Variants in CDK5RAP3 observed in about 807,000 individuals in gnomAD.
The protein encoded by CDK5RAP3 is CDK5 regulatory subunit-associated protein 3.
A neutral mutation model predicts 73.3 loss-of-function variants in CDK5RAP3; 58 were observed. The observed-to-expected ratio is 0.79, with a 90% CI of 0.64 to 0.98. The LOEUF is 0.98. CDK5RAP3 is among the 50% of genes least tolerant of loss of function. The pLI is 0.00. For missense variants in CDK5RAP3, 525 were observed against 615.8 expected, an observed-to-expected ratio of 0.85 and a Z score of 1.56; for synonymous variants, 224 against 247.5, an observed-to-expected ratio of 0.91 and a Z score of 0.89.
In CDK5RAP3 at chr17:47,981,659, C is replaced by T. The variant is rs1404217747; in HGVS notation, c.*157C>T. 1.3e-6 allele frequency: 2 copies of T among 1,541,914 alleles called. No homozygotes were observed. The highest frequency in any genetic ancestry group is 1.4e-5 in the African/African-American group (1 of 73,318). Reference sequence around the variant, plus strand: ...GGCACCTGATGGTGATCTTGGCACTCTCCATGTTCTCTACAAGAAGCTGTG... The same window carrying T: ...GGCACCTGATGGTGATCTTGGCACTTTCCATGTTCTCTACAAGAAGCTGTG... On this transcript the variant is annotated 3_prime_UTR_variant, in exon 14 of 14. Coordinates refer to ENST00000338399, the MANE Select transcript of CDK5RAP3 (RefSeq NM_176096.3).
upstream of CDK5RAP3, chr17:47,970,770 A>G (rs1230235024): frequency 4.6e-6 from 7 of 1,507,498 alleles, no homozygotes; most frequent in Admixed American, 3.9e-5. Context: ...CCGCCAGCAG[A>G]CGTCTCAATC....
intron 11 of CDK5RAP3, 173 bp from the exon 12 acceptor site, chr17:47,980,420 C>T (rs915301755): frequency 4.5e-6 from 3 of 664,890 alleles, no homozygotes; most frequent in African/African-American, 3.6e-5. Flanking sequence ...AGGCATACAC[C>T]ACCATGTTTG....
chr17:47,970,825 G>A (rs1650270956), upstream of CDK5RAP3: 3 of 1,421,374 alleles, frequency 2.1e-6, no homozygotes, highest in South Asian at 3.8e-5. Flanking sequence ...CGGCTGCCAG[G>A]CTGGGCTCTC....
chr17:47,977,797 C>G lies in CDK5RAP3; in HGVS notation c.910-35C>G, dbSNP rs1374058407. The G allele has an allele frequency of 2.5e-6, 4 of 1,572,228 alleles. No individual in the cohort carries two copies. The East Asian group carries it at 6.7e-5, about 26-fold the overall frequency. ...TGGCTCCTTGGCTCAGGAAAATTCT[C>G]CCCCCATTGCTGTGGTTCTTTGCTC... On this transcript the variant is annotated intron_variant, in intron 9 of 13. Transcript: ENST00000338399.
rs1455701714 is a variant in CDK5RAP3 at position 47,971,160 on chromosome 17, G to C, written c.6+8G>C. The C allele has an allele frequency of 1.9e-6, 3 of 1,548,152 alleles. No individual in the cohort carries two copies. Among genetic ancestry groups the C allele is most frequent in the Non-Finnish European group, 2.6e-6 (3 of 1,145,094 alleles). On this transcript the variant is annotated splice_region_variant and intron_variant, in intron 1 of 13. Transcript: ENST00000338399. ...AGTGGAGGAAAGATGGAGGTGTGGG[G>C]ACAGGAGCTGGGTGTGCTGGGGACT...
chr17:47,976,563 C>G (rs1016252600), intron 8 of CDK5RAP3, 149 bp from the exon 9 acceptor site: 30 of 566,202 alleles, frequency 5.3e-5, no homozygotes, highest in African/African-American at 4.8e-4. Flanking sequence ...AGGATTTTGC[C>G]ATATTGCCCA....
rs1171167345 is a variant in CDK5RAP3 at position 47,976,787 on chromosome 17, A to G, written c.874A>G (p.Ile292Val). 2 of 1,611,670 alleles carry G rather than the reference A, an allele frequency of 1.2e-6. No homozygotes were observed. The highest frequency in any genetic ancestry group is 2.2e-5 in the East Asian group (1 of 44,798). Reference protein sequence around the residue: ...DSGISAEAAGIDWGIFPESDS... With the variant: ...DSGISAEAAGVDWGIFPESDS... ...TGGCATCTCTGCCGAGGCTGCTGGA[A>G]TCGACTGGGGCATCTTCCCGGAATC... Residue 292 changes from isoleucine to valine, a missense_variant, in exon 9 of 14, where the codon ATC becomes GTC. Transcript: ENST00000338399.
chr17:47,975,059 A>G (rs1478578984), intron 5 of CDK5RAP3, 100 bp from the exon 6 acceptor site: 1 of 1,610,100 alleles, frequency 6.2e-7, no homozygotes, highest in Admixed American at 1.7e-5. Flanking sequence ...TGGGAAGCTG[A>G]CTTCGTGCTC....
At chr17:47,978,614 C>CTCTGG (rs1408115911) in intron 10 of CDK5RAP3, 4 of 555,642 alleles carry the variant, frequency 7.2e-6, no homozygotes, top group Non-Finnish European at 9.6e-6. Flanking sequence ...CTGAACCCAG[C>CTCTGG]TCTGGTCCTC....
chr17:47,975,972 C>G lies in CDK5RAP3; in HGVS notation c.757C>G (p.Pro253Ala), dbSNP rs1443558304. 2 of 1,614,140 alleles carry G rather than the reference C, an allele frequency of 1.2e-6. No homozygotes were observed. Among genetic ancestry groups the G allele is most frequent in the East Asian group, 2.2e-5 (1 of 44,886 alleles). ...TGTEPSVVER[P>A]HLEELPEQVA... ...GACAGAGCCCTCTGTGGTGGAACGACCCCACCTCGAGGAGCTTCCTGAGCA... is the reference window on the plus strand; with the variant it reads ...GACAGAGCCCTCTGTGGTGGAACGAGCCCACCTCGAGGAGCTTCCTGAGCA... The change falls in exon 8 of 14, where the codon CCC becomes GCC. Residue 253 changes from proline (P) to alanine (A), a missense_variant. Coordinates refer to ENST00000338399, the MANE Select transcript of CDK5RAP3 (RefSeq NM_176096.3).
Position 47,975,204 on chromosome 17 carries a change from C to T in CDK5RAP3, c.380C>T (p.Pro127Leu). The T allele has an allele frequency of 6.2e-7, 1 of 1,614,146 alleles. No homozygotes were observed. The highest frequency in any genetic ancestry group is 1.1e-5 in the South Asian group (1 of 91,082). The change falls in exon 6 of 14, where the codon CCC becomes CTC. Residue 127 changes from proline (P) to leucine (L), a missense_variant. Transcript: ENST00000338399. ...LLVRNVNYEI[P>L]SLKKQIAKCQ... ...GTTCGGAATGTCAACTATGAGATCCCCTCACTGAAGAAGCAGATTGCCAAG... is the reference window on the plus strand; with the variant it reads ...GTTCGGAATGTCAACTATGAGATCCTCTCACTGAAGAAGCAGATTGCCAAG...
At chr17:47,975,010 C>A in intron 5 of CDK5RAP3, 149 bp from the exon 6 acceptor site, 1 of 1,568,446 alleles carries the variant, frequency 6.4e-7, no homozygotes, top group Admixed American at 1.8e-5. Flanking sequence ...AGGGGTTAAA[C>A]AACTTGTCTT....
intron 8 of CDK5RAP3, 53 bp from the exon 9 acceptor site, chr17:47,976,656 GCCC>G: frequency 1.6e-6 from 2 of 1,223,142 alleles, no homozygotes; most frequent in Non-Finnish European, 2.4e-6. Flanking sequence ...GAGCCACCAT[GCCC>G]GGCCCTTTTT....
At chr17:47,970,928 C>T, upstream of CDK5RAP3, 3 of 1,450,714 alleles carry the variant, frequency 2.1e-6, no homozygotes, top group Non-Finnish European at 2.7e-6. Flanking sequence ...TGGCTGTCTC[C>T]ATTCTCCCGC....
rs770110421 is a variant in CDK5RAP3 at position 47,977,824 on chromosome 17, C to T, written c.910-8C>T. 1.2e-6 allele frequency: 2 copies of T among 1,612,404 alleles called. No individual in the cohort carries two copies. Among genetic ancestry groups the T allele is most frequent in the Admixed American group, 3.3e-5 (2 of 59,722 alleles). ...CCCCATTGCTGTGGTTCTTTGCTCT[C>T]CTTCCAGGATCCTGGAGGTGATGGG... On this transcript the variant is annotated splice_region_variant and splice_polypyrimidine_tract_variant and intron_variant, in intron 9 of 13. Coordinates refer to ENST00000338399, the MANE Select transcript of CDK5RAP3 (RefSeq NM_176096.3).
chr17:47,978,630 A>G, intron 10 of CDK5RAP3, 199 bp from the exon 11 acceptor site: 1 of 565,978 alleles, frequency 1.8e-6, no homozygotes, highest in African/African-American at 1.9e-5. Context: ...TCCTCCTCTC[A>G]GTCTGGGAGT....
intron 2 of CDK5RAP3, among the ~76,000 whole-genome samples, chr17:47,971,677 C>T (rs926400342): frequency 2.6e-5 from 4 of 152,180 alleles, no homozygotes; most frequent in Admixed American, 6.5e-5. Context: ...GCTTTAAAAA[C>T]AGTCAACCAC....
At chr17:47,973,717 T>C in intron 3 of CDK5RAP3, 67 bp downstream of exon 3, 3 of 1,585,052 alleles carry the variant, frequency 1.9e-6, no homozygotes, top group Non-Finnish European at 2.6e-6. Flanking sequence ...GCTGAGCTAC[T>C]CTCTTGTTAT....
intron 3 of CDK5RAP3, 90 bp from the exon 4 acceptor site, chr17:47,973,841 A>C: frequency 8.4e-7 from 1 of 1,186,616 alleles, no homozygotes; most frequent in East Asian, 2.3e-5. Context: ...AGTTACTGGC[A>C]GTATATTATA....
Sources: allele counts gnomAD v4.1 joint callset (sites outside exome capture counted in the v4.1 genomes callset), GRCh38; gene constraint gnomAD v4.1.1; transcripts MANE v1.5; gene names NCBI Gene and HGNC (gene_info 2026-07-23, HGNC 2026-07-21).